Variants in EFNA1 observed in about 807,000 individuals in gnomAD.
The protein encoded by EFNA1 is ephrin-A1.
EFNA1 carries 8 observed loss-of-function variants against 23.2 expected under a neutral mutation model. That is an observed-to-expected ratio of 0.34 (90% confidence interval 0.20 to 0.62). The LOEUF is 0.62. Among genes scored for constraint, EFNA1 ranks in the 20% least tolerant of loss-of-function variants. EFNA1 has a pLI of 0.75. For missense variants in EFNA1, 217 were observed against 260.0 expected, an observed-to-expected ratio of 0.83 and a Z score of 1.14; for synonymous variants, 89 against 98.6, an observed-to-expected ratio of 0.90 and a Z score of 0.58.
At position 155,128,800 on chromosome 1, in the gene EFNA1, A is replaced by G. The variant is rs957539149; in HGVS notation, c.92+731A>G. ...AGGAAGGAGTTAATTTCTCCTGGGC[A>G]GGTTTAGGGCTGTGAGGCAAATGGT... On this transcript the variant is annotated intron_variant, in intron 1 of 4. Coordinates refer to ENST00000368407, the MANE Select transcript of EFNA1 (RefSeq NM_004428.3). Among the ~76,000 whole-genome samples, 5 of 152,198 alleles carry G rather than the reference A, an allele frequency of 3.3e-5. No homozygotes were observed. The East Asian group carries it at 9.6e-4, about 29-fold the overall frequency.
chr1:155,129,240 G>C (rs1664163471), intron 1 of EFNA1, among the ~76,000 whole-genome samples: 1 of 152,164 alleles, frequency 6.6e-6, no homozygotes, highest in African/African-American at 2.4e-5. Flanking sequence ...TAGTATGGGA[G>C]AGAGCAAAGT....
At chr1:155,131,662 G>T in intron 2 of EFNA1, 28 bp downstream of exon 2, 1 of 1,594,726 alleles carries the variant, frequency 6.3e-7, no homozygotes, top group Non-Finnish European at 8.6e-7. Flanking sequence ...GACAGTGTCT[G>T]TGTTTCTTTT....
intron 2 of EFNA1, among the ~76,000 whole-genome samples, chr1:155,132,825 C>T (rs538302900): frequency 4.0e-5 from 6 of 151,726 alleles, no homozygotes; most frequent in South Asian, 2.1e-4. Context: ...AGGGAGACTC[C>T]GTTTCAAAAA....
rs974891598 is a variant in EFNA1 at position 155,134,497 on chromosome 1, T to A, written c.*430T>A. On this transcript the variant is annotated 3_prime_UTR_variant, in exon 5 of 5. Coordinates refer to ENST00000368407, the MANE Select transcript of EFNA1 (RefSeq NM_004428.3). ...ACTGAAGGAAAAGCAAGAAACAGTT[T>A]CTTGCTTGGAAGCCAGGTACAGGAG... The A allele has an allele frequency of 9.2e-6, 2 of 217,384 alleles. No homozygotes were observed. The highest frequency in any genetic ancestry group is 1.9e-5 in the Non-Finnish European group (2 of 106,478). 13.5% of individuals were successfully genotyped at this position (217,384 alleles called of 1,614,324 possible).
chr1:155,134,161 C>A lies in EFNA1; in HGVS notation c.*94C>A. ...TTGGGGCCACTTTCAGAGCCCCCAG[C>A]CCTGGGAACCACTCCCACCACAGGC... On this transcript the variant is annotated 3_prime_UTR_variant, in exon 5 of 5. Transcript: ENST00000368407. 8.3e-7 allele frequency: 1 copy of A among 1,211,770 alleles called. No individual in the cohort carries two copies. The highest frequency in any genetic ancestry group is 1.2e-6 in the Non-Finnish European group (1 of 844,770). The allele number at this position is 1,211,770 out of a possible 1,614,324, so 75.1% of individuals were successfully genotyped here. A position where few individuals can be genotyped will look rare whatever the true frequency, so the allele number is the denominator to read the frequency against.
At chr1:155,128,240 C>A (rs891404293) in intron 1 of EFNA1, among the ~76,000 whole-genome samples, 171 bp downstream of exon 1, 5 of 152,180 alleles carry the variant, frequency 3.3e-5, no homozygotes, top group African/African-American at 1.2e-4. Context: ...GCACCCCACC[C>A]CGGGGCATGC....
chr1:155,134,786 C>A lies in EFNA1; in HGVS notation c.*719C>A, dbSNP rs1222707705. Reference sequence around the variant, plus strand: ...TGTATATAAGTTGCTGTGTGTCTGTCCTGATTTCTACAACTGGAGTTTTTT... The same window carrying A: ...TGTATATAAGTTGCTGTGTGTCTGTACTGATTTCTACAACTGGAGTTTTTT... On this transcript the variant is annotated 3_prime_UTR_variant, in exon 5 of 5. Coordinates refer to ENST00000368407, the MANE Select transcript of EFNA1 (RefSeq NM_004428.3). 1.9e-5 allele frequency: 3 copies of A among 153,874 alleles called. No homozygotes were observed. Among genetic ancestry groups the A allele is most frequent in the Admixed American group, 6.4e-5 (1 of 15,548 alleles). The allele number at this position is 153,874 out of a possible 1,614,324, so 9.5% of individuals were successfully genotyped here.
rs756377342 is a variant in EFNA1, at chr1:155,134,034, G to T, written c.585G>T (p.Leu195=). The T allele has an allele frequency of 1.4e-5, 23 of 1,614,106 alleles. No homozygotes were observed. The highest frequency in any genetic ancestry group is 1.9e-5 in the Non-Finnish European group (23 of 1,180,016). Residue 195 remains leucine (L), a synonymous_variant, in exon 5 of 5, where the codon CTG becomes CTT. Transcript: ENST00000368407. ...TCTTCCCACTTGCCTGGACTGTGCT[G>T]CTCCTTCCACTTCTGCTGCTGCAAA... ...PRLFPLAWTV[L]LLPLLLLQTP
chr1:155,133,673 T>TA (rs1664292402), intron 3 of EFNA1, 57 bp from the exon 4 acceptor site: 6 of 1,609,626 alleles, frequency 3.7e-6, no homozygotes, highest in Admixed American at 3.3e-5. Context: ...CACTCATACT[T>TA]ACAGCCCTCT....
chr1:155,130,442 G>A (rs1553189034), intron 1 of EFNA1: 7 of 914,724 alleles, frequency 7.7e-6, no homozygotes, highest in Non-Finnish European at 9.1e-6. Context: ...ACTAGGGGAG[G>A]GGTGCTGGCT....
chr1:155,130,179 C>T (rs966675224), intron 1 of EFNA1, among the ~76,000 whole-genome samples: 2 of 152,218 alleles, frequency 1.3e-5, no homozygotes, highest in Admixed American at 1.3e-4. Flanking sequence ...CCTCCGAGTC[C>T]TCTCTGCCTG....
At chr1:155,130,856 T>C (rs1372073562) in intron 1 of EFNA1, 3 of 985,146 alleles carry the variant, frequency 3.0e-6, no homozygotes, top group Non-Finnish European at 3.6e-6. Flanking sequence ...CACAGATGTG[T>C]TGGAGGCTCC....
intron 1 of EFNA1, chr1:155,130,854 T>C (rs1056644257): frequency 8.1e-6 from 8 of 985,116 alleles, no homozygotes; most frequent in Admixed American, 1.2e-4. Flanking sequence ...GACACAGATG[T>C]GTTGGAGGCT....
At position 155,127,887 on chromosome 1, in the gene EFNA1, C is replaced by A; in HGVS notation, c.-91C>A. 9.9e-7 allele frequency: 1 copy of A among 1,014,534 alleles called. No homozygotes were observed. The highest frequency in any genetic ancestry group is 1.5e-6 in the Non-Finnish European group (1 of 689,130). 62.8% of individuals were successfully genotyped at this position (1,014,534 alleles called of 1,614,324 possible). On this transcript the variant is annotated 5_prime_UTR_variant, in exon 1 of 5. Coordinates refer to ENST00000368407, the MANE Select transcript of EFNA1 (RefSeq NM_004428.3). This position sits in a 1 kb window ranked among gnomAD's most constrained non-coding sequence, Gnocchi z 4.4. Reference sequence around the variant, plus strand: ...TAGGCGAAGGGGCCAGATCTGTGAGCCCAGCGCTGACTGCGCCGCGGAGAA... The same window carrying A: ...TAGGCGAAGGGGCCAGATCTGTGAGACCAGCGCTGACTGCGCCGCGGAGAA...
chr1:155,131,283 G>A, intron 1 of EFNA1, 56 bp from the exon 2 acceptor site: 1 of 1,562,672 alleles, frequency 6.4e-7, no homozygotes, highest in African/African-American at 1.3e-5. Flanking sequence ...GAGGCCCAAG[G>A]ATCTGGCCTG....
intron 2 of EFNA1, among the ~76,000 whole-genome samples, chr1:155,132,229 TTTTA>T (rs1488335026): frequency 1.3e-5 from 2 of 151,620 alleles, no homozygotes; most frequent in African/African-American, 4.9e-5. Context: ...CACTGATGGG[TTTTA>T]TTTTATTTTA....
At position 155,131,287 on chromosome 1, in the gene EFNA1, T is replaced by C. The variant is rs372072799; in HGVS notation, c.93-52T>C. 127 of 1,567,524 alleles carry C rather than the reference T, an allele frequency of 8.1e-5. No homozygotes were observed. The African/African-American group carries it at 1.1e-3, about 14-fold the overall frequency. ...GTAAACATTCAGAGGCCCAAGGATC[T>C]GGCCTGGCTTCTGAATGACCACCTG... On this transcript the variant is annotated intron_variant, in intron 1 of 4. Transcript: ENST00000368407.
rs1664326362 is a variant in EFNA1, at chr1:155,134,355, G to A, written c.*288G>A. 4.3e-6 allele frequency: 2 copies of A among 467,212 alleles called. No homozygotes were observed. The highest frequency in any genetic ancestry group is 7.9e-6 in the Non-Finnish European group (2 of 252,050). The allele number at this position is 467,212 out of a possible 1,614,324, so 28.9% of individuals were successfully genotyped here. On this transcript the variant is annotated 3_prime_UTR_variant, in exon 5 of 5. Transcript: ENST00000368407. ...TGCCTTTAAGCCAAAGAAACAAGCTGTGCAGGCATGGTCCCTTAAGGCACA... is the reference window on the plus strand; with the variant it reads ...TGCCTTTAAGCCAAAGAAACAAGCTATGCAGGCATGGTCCCTTAAGGCACA...
In EFNA1 at chr1:155,134,708, G is replaced by A. The variant is rs2102474772; in HGVS notation, c.*641G>A. On this transcript the variant is annotated 3_prime_UTR_variant, in exon 5 of 5. Transcript: ENST00000368407. The stretch of plus-strand genomic sequence containing the variant: ...GTAGCTGTAAGGGCAGTGCCCATGT[G>A]TACATTCTGCCTAGAGTGTAGCCTA... The A allele has an allele frequency of 6.1e-6, 1 of 163,698 alleles. No individual in the cohort carries two copies. The highest frequency in any genetic ancestry group is 1.5e-4 in the South Asian group (1 of 6,840). 10.1% of individuals were successfully genotyped at this position (163,698 alleles called of 1,614,324 possible).
Sources: gnomAD v4.1 joint callset for allele counts (sites outside exome capture counted in the v4.1 genomes callset) on GRCh38, gnomAD v4.1.1 for gene constraint, Gnocchi (gnomAD v3.1) non-coding constraint, MANE v1.5 for transcripts, NCBI Gene and HGNC (gene_info 2026-07-23, HGNC 2026-07-21) for gene names.